The following SDC2 variants were observed in gnomAD, a reference collection of about 807,000 sequenced individuals.
SDC2 encodes the protein syndecan 2, also known as syndecan-2.
In SDC2, 13 loss-of-function variants were observed where a neutral mutation model predicts 22.2. The observed-to-expected ratio is 0.59, with a 90% CI of 0.38 to 0.93. The LOEUF is 0.93. Ranked by LOEUF, SDC2 falls within the 40% of genes least tolerant of loss-of-function variation. The pLI is 0.00. For synonymous variants in SDC2, 94 were observed against 92.8 expected (o/e 1.01, Z -0.07); for missense variants, 235 against 246.8 (o/e 0.95, Z 0.32).
intron 1 of SDC2, among the ~76,000 whole-genome samples, chr8:96,574,520 C>G (rs750553773): frequency 6.6e-6 from 1 of 152,190 alleles, no homozygotes; most frequent in Non-Finnish European, 1.5e-5. Context: ...CTGCCCTTCC[C>G]CACCAAGCAA....
At chr8:96,578,965 T>C (rs996664479) in intron 1 of SDC2, among the ~76,000 whole-genome samples, 1 of 152,232 alleles carries the variant, frequency 6.6e-6, no homozygotes, top group Non-Finnish European at 1.5e-5. Context: ...ATGTGAAACC[T>C]GAATGCGTAT....
chr8:96,515,621 T>G (rs1256471650), intron 1 of SDC2, among the ~76,000 whole-genome samples: 2 of 152,118 alleles, frequency 1.3e-5, no homozygotes, highest in African/African-American at 4.8e-5. Flanking sequence ...CCAGCAGATT[T>G]TTTCTGTATT....
intron 1 of SDC2, among the ~76,000 whole-genome samples, chr8:96,574,404 A>G (rs764380030): frequency 7.9e-5 from 12 of 152,230 alleles, no homozygotes; most frequent in Non-Finnish European, 7.3e-5. Context: ...CTGAATTCAA[A>G]TATATGCCAG....
intron 1 of SDC2, among the ~76,000 whole-genome samples, chr8:96,510,208 T>C (rs1046856168): frequency 2.0e-5 from 3 of 152,204 alleles, no homozygotes; most frequent in South Asian, 2.1e-4. Context: ...TGGGACTTGA[T>C]TGAATATACT....
chr8:96,545,103 T>C (rs943308914), intron 1 of SDC2, among the ~76,000 whole-genome samples: 2 of 152,212 alleles, frequency 1.3e-5, no homozygotes, highest in Admixed American at 6.5e-5. Context: ...GCTTTCCTCC[T>C]GTGGCTCTTA....
At chr8:96,525,871 C>T (rs548255588) in intron 1 of SDC2, among the ~76,000 whole-genome samples, 18 of 152,142 alleles carry the variant, frequency 1.2e-4, no homozygotes, top group South Asian at 4.1e-4. Flanking sequence ...TGAAAGCCTC[C>T]GGAAAAGGGT....
chr8:96,604,147 T>A (rs1475222301), intron 3 of SDC2, among the ~76,000 whole-genome samples: 1 of 152,206 alleles, frequency 6.6e-6, no homozygotes, highest in African/African-American at 2.4e-5. Flanking sequence ...GAAGCAACTC[T>A]CCTGGGTGAG....
chr8:96,551,974 T>C (rs1814034787), intron 1 of SDC2, among the ~76,000 whole-genome samples: 1 of 152,124 alleles, frequency 6.6e-6, no homozygotes, highest in South Asian at 2.1e-4. Context: ...AGGGGCTTGA[T>C]TGGTAGGGGA....
At chr8:96,595,398 C>T (rs1212338858) in intron 2 of SDC2, among the ~76,000 whole-genome samples, 5 of 152,032 alleles carry the variant, frequency 3.3e-5, no homozygotes, top group Non-Finnish European at 5.9e-5. Context: ...GTAAAAATAA[C>T]TCTAGTTATT....
chr8:96,540,822 A>G (rs1251604951), intron 1 of SDC2, among the ~76,000 whole-genome samples: 3 of 152,230 alleles, frequency 2.0e-5, no homozygotes, highest in Non-Finnish European at 4.4e-5. Flanking sequence ...TGATAAGAGC[A>G]AGGAAGTTTA....
At chr8:96,530,690 T>G (rs2130483493) in intron 1 of SDC2, among the ~76,000 whole-genome samples, 1 of 152,326 alleles carries the variant, frequency 6.6e-6, no homozygotes, top group South Asian at 2.1e-4. Context: ...TTTCTTTATA[T>G]AACATTTTAG....
intron 3 of SDC2, among the ~76,000 whole-genome samples, chr8:96,607,650 A>G (rs551598349): frequency 2.5e-4 from 38 of 152,270 alleles, no homozygotes; most frequent in African/African-American, 7.7e-4. Flanking sequence ...AGGTATTCCC[A>G]TAGATTTCTG....
chr8:96,604,626 A>T (rs1454032912), intron 3 of SDC2, among the ~76,000 whole-genome samples: 1 of 152,188 alleles, frequency 6.6e-6, no homozygotes, highest in Non-Finnish European at 1.5e-5. Flanking sequence ...AGTGGCATTA[A>T]TGTCACTGTT....
intron 1 of SDC2, among the ~76,000 whole-genome samples, chr8:96,580,074 A>T (rs941527368): frequency 6.6e-6 from 1 of 152,220 alleles, no homozygotes; most frequent in Non-Finnish European, 1.5e-5. Context: ...ATTCTTTGGT[A>T]TGAGCTTTAA....
intron 1 of SDC2, among the ~76,000 whole-genome samples, chr8:96,537,142 C>G (rs1318624952): frequency 6.6e-6 from 1 of 151,986 alleles, no homozygotes; most frequent in Non-Finnish European, 1.5e-5. Context: ...CAGTAGAGCT[C>G]GATTCATCCT....
In SDC2 at chr8:96,545,221, T is replaced by C. The variant is rs571625335; in HGVS notation, c.61-48259T>C. Among the ~76,000 whole-genome samples the C allele has an allele frequency of 2.1e-3, 322 of 152,378 alleles. 1 individual carries two copies. The highest frequency in any genetic ancestry group is 3.3e-3 in the Non-Finnish European group (226 of 68,038). On this transcript the variant is annotated intron_variant, in intron 1 of 4. Transcript: ENST00000302190. Reference sequence around the variant, plus strand: ...GGGTTTTTAGAAAGTCGAAATTCAGTGGATAAGACTTTTGATAGTTTTCAG... The same window carrying C: ...GGGTTTTTAGAAAGTCGAAATTCAGCGGATAAGACTTTTGATAGTTTTCAG...
chr8:96,515,553 G>A (rs1287575642), intron 1 of SDC2, among the ~76,000 whole-genome samples: 1 of 152,158 alleles, frequency 6.6e-6, no homozygotes, highest in African/African-American at 2.4e-5. Flanking sequence ...ACCTGTTAGA[G>A]ACAGGAAACA....
intron 1 of SDC2, among the ~76,000 whole-genome samples, chr8:96,539,856 A>G (rs1242480108): frequency 1.3e-5 from 2 of 152,150 alleles, no homozygotes; most frequent in Non-Finnish European, 2.9e-5. Context: ...GCAAGGTATA[A>G]TTTAACCCTT....
At chr8:96,529,108 C>T (rs562807345) in intron 1 of SDC2, 2 of 152,286 alleles carry the variant, frequency 1.3e-5, no homozygotes, top group African/African-American at 4.8e-5. Flanking sequence ...CAAGGGCAGC[C>T]ATTTGTTTTT....
Sources: gnomAD v4.1 joint callset for allele counts (sites outside exome capture counted in the v4.1 genomes callset) on GRCh38, gnomAD v4.1.1 for gene constraint, MANE v1.5 for transcripts, NCBI Gene and HGNC (gene_info 2026-07-23, HGNC 2026-07-21) for gene names.